Variants in EPHA6 observed in about 807,000 individuals in gnomAD.
EPHA6 encodes ephrin type-A receptor 6.
In EPHA6, 50 loss-of-function variants were observed where a neutral mutation model predicts 112.0. The observed-to-expected ratio is 0.45, with a 90% CI of 0.36 to 0.56. The LOEUF (loss-of-function observed/expected upper bound fraction) is 0.56. EPHA6 is among the 20% of genes least tolerant of loss of function. The pLI is 0.00. For missense variants in EPHA6, 1,280 were observed against 1,417.4 expected (o/e 0.90, Z 1.56); for synonymous variants, 529 against 490.7 (o/e 1.08, Z -1.03).
chr3:97,491,594 G>A (rs917778852), intron 10 of EPHA6, among the ~76,000 whole-genome samples: 1 of 147,070 alleles, frequency 6.8e-6, no homozygotes, highest in African/African-American at 2.5e-5. Flanking sequence ...TAAAGGGAGT[G>A]TAGTCTCTCC....
At chr3:97,044,367 G>A (rs1406476813) in intron 3 of EPHA6, among the ~76,000 whole-genome samples, 3 of 152,112 alleles carry the variant, frequency 2.0e-5, no homozygotes, top group Non-Finnish European at 4.4e-5. Flanking sequence ...ATGATGCTTT[G>A]TGCTTTTACA....
chr3:96,951,302 T>A (rs568925220), intron 2 of EPHA6, among the ~76,000 whole-genome samples: 2 of 152,266 alleles, frequency 1.3e-5, no homozygotes, highest in South Asian at 2.1e-4. Flanking sequence ...AATCAAAATA[T>A]GCCTTTGTTA....
At chr3:97,100,258 T>TG (rs1427463691) in intron 3 of EPHA6, among the ~76,000 whole-genome samples, 1 of 149,328 alleles carries the variant, frequency 6.7e-6, no homozygotes, top group African/African-American at 2.4e-5. Flanking sequence ...ATATATTTTA[T>TG]ATATATATAG....
chr3:96,842,397 G>C (rs576137152), intron 1 of EPHA6, among the ~76,000 whole-genome samples: 1 of 152,154 alleles, frequency 6.6e-6, no homozygotes, highest in South Asian at 2.1e-4. Flanking sequence ...GCAAGGGTTA[G>C]AGCTGTATTC....
chr3:97,240,122 C>T (rs2078800450), intron 4 of EPHA6, among the ~76,000 whole-genome samples: 1 of 151,448 alleles, frequency 6.6e-6, no homozygotes, highest in Non-Finnish European at 1.5e-5. Flanking sequence ...ATAAACAAAA[C>T]ATATAGATAG....
rs190755413 is a variant in EPHA6, at chr3:97,543,227, G to A, written c.2386+10684G>A. Among the ~76,000 whole-genome samples the A allele has an allele frequency of 2.6e-3, 389 of 152,216 alleles. 4 individuals are homozygous for A. Among genetic ancestry groups the A allele is most frequent in the African/African-American group, 9.2e-3 (380 of 41,526 alleles). On this transcript the variant is annotated intron_variant, in intron 11 of 17. Transcript: ENST00000389672. ...TTCTTCTAGGGTTTTTATGGTTTTAGGTCTACCATTTAAGCCTTTAATCCA... is the reference window on the plus strand; with the variant it reads ...TTCTTCTAGGGTTTTTATGGTTTTAAGTCTACCATTTAAGCCTTTAATCCA...
chr3:97,197,822 G>T (rs1397627942), intron 3 of EPHA6, among the ~76,000 whole-genome samples: 1 of 152,030 alleles, frequency 6.6e-6, no homozygotes, highest in African/African-American at 2.4e-5. Flanking sequence ...AGCCCATGGT[G>T]GTGGGGCTAC....
At chr3:97,695,867 A>G (rs1022844416) in intron 14 of EPHA6, among the ~76,000 whole-genome samples, 8 of 152,190 alleles carry the variant, frequency 5.3e-5, no homozygotes, top group African/African-American at 1.9e-4. Flanking sequence ...GATATGCATT[A>G]ATGCCCAAAA....
At chr3:97,568,538 G>T (rs1370558750) in intron 11 of EPHA6, among the ~76,000 whole-genome samples, 1 of 152,166 alleles carries the variant, frequency 6.6e-6, no homozygotes, top group Non-Finnish European at 1.5e-5. Context: ...ACCATCTACA[G>T]CTCTCAGAGA....
At chr3:97,584,518 A>G (rs1160055771) in intron 11 of EPHA6, among the ~76,000 whole-genome samples, 1 of 152,176 alleles carries the variant, frequency 6.6e-6, no homozygotes, top group African/African-American at 2.4e-5. Flanking sequence ...CACCCAATGG[A>G]CCCTTCAAGG....
intron 5 of EPHA6, among the ~76,000 whole-genome samples, chr3:97,335,910 G>A (rs2083034604): frequency 6.6e-6 from 1 of 152,066 alleles, no homozygotes; most frequent in Admixed American, 6.6e-5. Flanking sequence ...GAGTGTTGAA[G>A]CTGTGCTCTT....
chr3:97,556,207 C>T (rs1017608387), intron 11 of EPHA6, among the ~76,000 whole-genome samples: 3 of 152,056 alleles, frequency 2.0e-5, no homozygotes, highest in Non-Finnish European at 4.4e-5. Context: ...TTTCCCCACA[C>T]TCTCTGCCTT....
At chr3:96,986,682 T>C (rs765777097) in intron 2 of EPHA6, among the ~76,000 whole-genome samples, 3 of 152,296 alleles carry the variant, frequency 2.0e-5, no homozygotes, top group East Asian at 1.9e-4. Context: ...CTCTCTTCCC[T>C]CCAAAGTAAG....
At chr3:97,649,595 T>A (rs926712304) in intron 14 of EPHA6, among the ~76,000 whole-genome samples, 14 of 152,040 alleles carry the variant, frequency 9.2e-5, no homozygotes, top group African/African-American at 3.4e-4. Flanking sequence ...AGCAGCATTA[T>A]CAGAATGCTA....
At chr3:96,845,882 C>T (rs950508209) in intron 1 of EPHA6, among the ~76,000 whole-genome samples, 1 of 151,650 alleles carries the variant, frequency 6.6e-6, no homozygotes, top group African/African-American at 2.4e-5. Context: ...TGAGTAGTGA[C>T]GATGTATTAG....
At chr3:97,734,296 A>AAATTCATTTTAAATTGGTACTTAAAT (rs1361253361) in intron 15 of EPHA6, among the ~76,000 whole-genome samples, 3 of 152,074 alleles carry the variant, frequency 2.0e-5, no homozygotes, top group African/African-American at 7.2e-5. Flanking sequence ...ATGGAATTCT[A>AAATTCATTTTAAATTGGTACTTAAAT]TGCTATTTCT....
chr3:97,282,392 T>C (rs1293017091), intron 5 of EPHA6, among the ~76,000 whole-genome samples: 1 of 152,158 alleles, frequency 6.6e-6, no homozygotes, highest in East Asian at 1.9e-4. Flanking sequence ...TTGGTGGGAA[T>C]GTAAATTAGT....
intron 3 of EPHA6, among the ~76,000 whole-genome samples, chr3:97,137,428 C>G (rs1157456109): frequency 6.6e-6 from 1 of 152,086 alleles, no homozygotes; most frequent in Non-Finnish European, 1.5e-5. Context: ...GAACAAATTA[C>G]TCTGCCTTTA....
At chr3:97,307,075 G>A (rs1179590664) in intron 5 of EPHA6, among the ~76,000 whole-genome samples, 2 of 151,696 alleles carry the variant, frequency 1.3e-5, no homozygotes, top group African/African-American at 4.8e-5. Context: ...TAGTAGCCAA[G>A]CTCATCTAAT....
Sources: gnomAD v4.1 joint callset for allele counts (sites outside exome capture counted in the v4.1 genomes callset) on GRCh38, gnomAD v4.1.1 for gene constraint, MANE v1.5 for transcripts, NCBI Gene and HGNC (gene_info 2026-07-23, HGNC 2026-07-21) for gene names.